BLOC1S2: variants seen among roughly 807,000 people sequenced by gnomAD.
The protein encoded by BLOC1S2 is biogenesis of lysosomal organelles complex 1 subunit 2, also known as biogenesis of lysosome-related organelles complex 1 subunit 2.
BLOC1S2 carries 12 observed loss-of-function variants against 19.6 expected under a neutral mutation model. The ratio of observed to expected loss-of-function variants is 0.61; its 90% CI spans 0.39 to 0.99. The LOEUF (loss-of-function observed/expected upper bound fraction) is 0.99, where lower values mean the gene tolerates loss of function less well. Among genes scored for constraint, BLOC1S2 ranks in the 50% least tolerant of loss-of-function variants. The pLI is 0.00. For missense variants in BLOC1S2, 142 were observed against 171.0 expected (o/e 0.83, Z 0.95); for synonymous variants, 66 against 64.1 (o/e 1.03, Z -0.14).
intron 2 of BLOC1S2, among the ~76,000 whole-genome samples, chr10:100,281,435 C>T (rs963468392): frequency 1.3e-5 from 2 of 151,986 alleles, no homozygotes; most frequent in Non-Finnish European, 2.9e-5. Flanking sequence ...CGTGTAATCC[C>T]AGCACTTTGG....
intron 3 of BLOC1S2, among the ~76,000 whole-genome samples, chr10:100,280,588 G>A (rs1431019152): frequency 1.3e-5 from 2 of 152,086 alleles, no homozygotes; most frequent in African/African-American, 4.8e-5. Flanking sequence ...AAATATATTC[G>A]ACTACTCTAA....
At chr10:100,285,998 G>A in intron 2 of BLOC1S2, 99 bp downstream of exon 2, 2 of 1,489,802 alleles carry the variant, frequency 1.3e-6, no homozygotes, top group South Asian at 1.3e-5. Context: ...CTGTCTCAGG[G>A]CATGCAGGGT....
chr10:100,275,209 G>T lies in BLOC1S2; in HGVS notation c.*253C>A, dbSNP rs1052962766. On this transcript the variant is annotated 3_prime_UTR_variant, in exon 5 of 5. Coordinates refer to ENST00000370372, the MANE Select transcript of BLOC1S2 (RefSeq NM_173809.5). Reference sequence around the variant, plus strand: ...TTTTCTGAACTTTGTGAGAGTCTCTGTCCTGAATATGGCAAAGCATTCAAG... The same window carrying T: ...TTTTCTGAACTTTGTGAGAGTCTCTTTCCTGAATATGGCAAAGCATTCAAG... 1.6e-5 allele frequency: 7 copies of T among 445,542 alleles called. No individual in the cohort carries two copies. In the Admixed American group the frequency reaches 2.3e-4, roughly 15 times the overall value. 27.6% of individuals were successfully genotyped at this position (445,542 alleles called of 1,614,324 possible).
rs1847818006 is a variant in BLOC1S2 at position 100,275,052 on chromosome 10, T to C, written c.*410A>G. 2.5e-6 allele frequency: 1 copy of C among 399,936 alleles called. No homozygotes were observed. The highest frequency in any genetic ancestry group is 4.4e-6 in the Non-Finnish European group (1 of 226,740). The allele number at this position is 399,936 out of a possible 1,614,324, so 24.8% of individuals were successfully genotyped here. ...ATTTAGAATCTTGTTTACAACACAT[T>C]AGCATCATTAACAGAAAAACGACCA... On this transcript the variant is annotated 3_prime_UTR_variant, in exon 5 of 5. Transcript: ENST00000370372.
chr10:100,276,315 CCGTCTCCCTCTCT>C (rs1463495112), intron 4 of BLOC1S2, among the ~76,000 whole-genome samples: 4 of 66,236 alleles, frequency 6.0e-5, no homozygotes, highest in East Asian at 2.9e-4. Context: ...TCTCCCTCTC[CCGTCTCCCTCTCT>C]CTCTCCCGTC....
chr10:100,280,968 G>A lies in BLOC1S2; in HGVS notation c.258C>T (p.Asn86=). The change falls in exon 3 of 5, where the codon AAC becomes AAT. Residue 86 remains asparagine, a synonymous_variant. Coordinates refer to ENST00000370372, the MANE Select transcript of BLOC1S2 (RefSeq NM_173809.5). ...TTAAGTCCTTTAAGTTCCTACTAAT[G>A]TTTATAGCAATATCTTTCATTTCAA... The part of the protein sequence containing the change: ...KYLEMKDIAI[N]ISRNLKDLNQ... 1 of 1,613,356 alleles carries A rather than the reference G, an allele frequency of 6.2e-7. No individual in the cohort carries two copies. Among genetic ancestry groups the A allele is most frequent in the Non-Finnish European group, 8.5e-7 (1 of 1,179,770 alleles).
chr10:100,278,159 TG>T (rs1226928207), intron 4 of BLOC1S2, among the ~76,000 whole-genome samples: 3 of 101,442 alleles, frequency 3.0e-5, no homozygotes, highest in African/African-American at 8.5e-5. Flanking sequence ...GGGAGGGAGG[TG>T]GGGGGGTCAG....
rs373966133 is a variant in BLOC1S2 at position 100,281,583 on chromosome 10, C to T, written c.173-530G>A. Among the ~76,000 whole-genome samples the T allele has an allele frequency of 7.3e-5, 11 of 151,510 alleles. No individual in the cohort carries two copies. The East Asian group carries it at 1.9e-3, about 27-fold the overall frequency. On this transcript the variant is annotated intron_variant, in intron 2 of 4. Coordinates refer to ENST00000370372, the MANE Select transcript of BLOC1S2 (RefSeq NM_173809.5). ...CCTGTAATCTCAGCTACTCGGGAGGCTGAGGCAGAGAATTGCTTGAATCCA... is the reference window on the plus strand; with the variant it reads ...CCTGTAATCTCAGCTACTCGGGAGGTTGAGGCAGAGAATTGCTTGAATCCA...
intron 4 of BLOC1S2, among the ~76,000 whole-genome samples, chr10:100,279,412 G>GT (rs1848040615): frequency 6.6e-6 from 1 of 152,066 alleles, no homozygotes; most frequent in Non-Finnish European, 1.5e-5. Context: ...CCTTAAACCA[G>GT]TTTCCTTGCC....
At chr10:100,282,919 C>T in intron 2 of BLOC1S2, 1 of 398,620 alleles carries the variant, frequency 2.5e-6, no homozygotes. Context: ...CTTCTAAGCT[C>T]TTCCTTGGCA....
chr10:100,278,106 T>TTG (rs1847982184), intron 4 of BLOC1S2, among the ~76,000 whole-genome samples: 1 of 68,928 alleles, frequency 1.5e-5, no homozygotes, highest in African/African-American at 6.6e-5. Context: ...GGGAGGGAGG[T>TTG]GGGGGGGCGG....
Position 100,286,620 on chromosome 10 carries a change from C to G in BLOC1S2, c.40G>C (p.Asp14His), listed in dbSNP as rs111396533. The G allele has an allele frequency of 3.5e-5, 56 of 1,612,672 alleles. 1 individual carries two copies. In the African/African-American group the frequency reaches 3.6e-4, roughly 10 times the overall value. ...TTCCGGGTACCTCGGGCGGGCTCAT[C>G]ACTCCGGGTCGCCAGTACGCCCTCG... is the stretch of plus-strand genomic sequence containing the variant. ...AAEGVLATRSDEPARDDAAVE... is the reference protein window; with the variant it reads ...AAEGVLATRSHEPARDDAAVE... Residue 14 changes from aspartate (D) to histidine (H), a missense_variant, in exon 1 of 5, where the codon GAT becomes CAT. Asp to His is a moderately conservative substitution (Grantham distance 81). Transcript: ENST00000370372.
rs1847819424 is a variant in BLOC1S2, at chr10:100,275,110, G to A, written c.*352C>T. ...AGTAACTAAAAAACCAGCCACTTAAGAAAATAATGTAGTAATCAACCACTA... is the reference window on the plus strand; with the variant it reads ...AGTAACTAAAAAACCAGCCACTTAAAAAAATAATGTAGTAATCAACCACTA... On this transcript the variant is annotated 3_prime_UTR_variant, in exon 5 of 5. Coordinates refer to ENST00000370372, the MANE Select transcript of BLOC1S2 (RefSeq NM_173809.5). 2.5e-6 allele frequency: 1 copy of A among 401,026 alleles called. No individual in the cohort carries two copies. Among genetic ancestry groups the A allele is most frequent in the Non-Finnish European group, 4.4e-6 (1 of 227,366 alleles). 24.8% of individuals were successfully genotyped at this position (401,026 alleles called of 1,614,324 possible).
intron 2 of BLOC1S2, 105 bp downstream of exon 2, chr10:100,285,992 C>A: frequency 6.8e-7 from 1 of 1,475,590 alleles, no homozygotes; most frequent in Non-Finnish European, 9.2e-7. Context: ...ACAGGCCTGT[C>A]TCAGGGCATG....
At chr10:100,286,320 C>T (rs1309748215) in intron 1 of BLOC1S2, 107 bp from the exon 2 acceptor site, 12 of 1,494,064 alleles carry the variant, frequency 8.0e-6, no homozygotes, top group South Asian at 1.3e-5. Context: ...ATCAAGTCGG[C>T]TCCATTCTCC....
At position 100,286,600 on chromosome 10, in the gene BLOC1S2, G is replaced by C; in HGVS notation, c.55+5C>G. 1.9e-6 allele frequency: 3 copies of C among 1,612,816 alleles called. No individual in the cohort carries two copies. Among genetic ancestry groups the C allele is most frequent in the Non-Finnish European group, 2.5e-6 (3 of 1,179,266 alleles). ...GGACGCTTCCTCCCCATCCATTCCG[G>C]GTACCTCGGGCGGGCTCATCACTCC... On this transcript the variant is annotated splice_donor_5th_base_variant and intron_variant, in intron 1 of 4. Coordinates refer to ENST00000370372, the MANE Select transcript of BLOC1S2 (RefSeq NM_173809.5).
At chr10:100,280,809 G>T in intron 3 of BLOC1S2, 125 bp downstream of exon 3, 1 of 1,271,910 alleles carries the variant, frequency 7.9e-7, no homozygotes, top group Non-Finnish European at 1.0e-6. Flanking sequence ...CTTAAATTTG[G>T]AATTCATTTT....
chr10:100,278,904 A>G (rs1054804293), intron 4 of BLOC1S2, among the ~76,000 whole-genome samples: 2 of 151,904 alleles, frequency 1.3e-5, no homozygotes, highest in Non-Finnish European at 2.9e-5. Flanking sequence ...TGGGCAACAC[A>G]GCAAGGCCTT....
chr10:100,280,480 A>C (rs1456562015), intron 3 of BLOC1S2, among the ~76,000 whole-genome samples: 1 of 152,180 alleles, frequency 6.6e-6, no homozygotes, highest in Non-Finnish European at 1.5e-5. Flanking sequence ...TTGCTCCTTG[A>C]GCAATCTTTC....
Sources: gnomAD v4.1 joint callset for allele counts (sites outside exome capture counted in the v4.1 genomes callset) on GRCh38, gnomAD v4.1.1 for gene constraint, MANE v1.5 for transcripts, NCBI Gene and HGNC (gene_info 2026-07-23, HGNC 2026-07-21) for gene names.